WDPCP: variants seen among roughly 807,000 people sequenced by gnomAD.
The protein encoded by WDPCP is WD repeat containing planar cell polarity effector.
In WDPCP, 71 loss-of-function variants were observed where a neutral mutation model predicts 93.1. The observed-to-expected ratio is 0.76, with a 90% CI of 0.63 to 0.93. The LOEUF is 0.93. Ranked by LOEUF, WDPCP falls within the 40% of genes least tolerant of loss-of-function variation. The pLI is 0.00. For synonymous variants in WDPCP, 315 were observed against 315.0 expected (o/e 1.00, Z 0.00); for missense variants, 844 against 887.4 (o/e 0.95, Z 0.62).
intron 2 of WDPCP, among the ~76,000 whole-genome samples, chr2:63,726,224 A>T (rs1287297720): frequency 6.6e-6 from 1 of 152,156 alleles, no homozygotes; most frequent in Non-Finnish European, 1.5e-5. Flanking sequence ...TGATTTTTGT[A>T]TATGGTGAAA....
intron 6 of WDPCP, among the ~76,000 whole-genome samples, chr2:63,473,909 A>C (rs1699826298): frequency 6.6e-6 from 1 of 152,138 alleles, no homozygotes; most frequent in African/African-American, 2.4e-5. Flanking sequence ...ACAGTGACTA[A>C]GGGCATGAAC....
At chr2:63,636,324 T>C (rs1709920791) in intron 3 of WDPCP, among the ~76,000 whole-genome samples, 1 of 152,222 alleles carries the variant, frequency 6.6e-6, no homozygotes, top group Non-Finnish European at 1.5e-5. Flanking sequence ...AATTTTATCA[T>C]CATTTTTCAT....
At position 63,313,886 on chromosome 2, in the gene WDPCP, A is replaced by ATGTGTGTGTGTATATATATATATATATTT; in HGVS notation, c.1749-576_1749-575insAAATATATATATATATATACACACACACA. On this transcript the variant is annotated intron_variant, in intron 12 of 17. Coordinates refer to ENST00000272321, the MANE Select transcript of WDPCP (RefSeq NM_015910.7). ...TATATATATATATATATATATATAT[A>ATGTGTGTGTGTATATATATATATATATTT]TTTTTTTTTTTTTGGAGATGGAGTC... 5.5e-3 allele frequency among the ~76,000 whole-genome samples: 409 copies of ATGTGTGTGTGTATATATATATATATATTT among 74,472 alleles called. 22 individuals carry two copies. The highest frequency in any genetic ancestry group is 8.0e-3 in the Admixed American group (48 of 6,004). The allele number at this position is 74,472 out of a possible 152,430, so 48.9% of individuals were successfully genotyped here.
At chr2:63,737,663 A>C (rs1229481783) in intron 2 of WDPCP, among the ~76,000 whole-genome samples, 1 of 152,180 alleles carries the variant, frequency 6.6e-6, no homozygotes, top group Non-Finnish European at 1.5e-5. Context: ...ATCCCACTAG[A>C]TACCAGGCAT....
chr2:63,784,161 C>T (rs1022147802), intron 2 of WDPCP, among the ~76,000 whole-genome samples: 6 of 151,804 alleles, frequency 4.0e-5, no homozygotes, highest in Admixed American at 2.0e-4. Flanking sequence ...AAATATTTGT[C>T]GTGTGAATGA....
At position 63,240,953 on chromosome 2, in the gene WDPCP, T is replaced by G. The variant is rs113867934; in HGVS notation, c.1915+18354A>C. 2.2e-3 allele frequency among the ~76,000 whole-genome samples: 340 copies of G among 152,258 alleles called. 2 individuals are homozygous for G. Among genetic ancestry groups the G allele is most frequent in the Non-Finnish European group, 3.9e-3 (268 of 68,012 alleles). On this transcript the variant is annotated intron_variant, in intron 14 of 17. Coordinates refer to ENST00000272321, the MANE Select transcript of WDPCP (RefSeq NM_015910.7). ...AATATAGTAATCTAGTATTTCAGAA[T>G]TCAAAAATATGTTAAATAACATTTA...
intron 1 of WDPCP, among the ~76,000 whole-genome samples, chr2:63,545,716 AGT>A (rs1464851969): frequency 6.6e-6 from 1 of 152,060 alleles, no homozygotes; most frequent in African/African-American, 2.4e-5. Flanking sequence ...GAAACATTCA[AGT>A]GTTCATGGAC....
intron 13 of WDPCP, among the ~76,000 whole-genome samples, chr2:63,306,235 G>A (rs935525542): frequency 3.3e-5 from 5 of 152,164 alleles, no homozygotes; most frequent in Non-Finnish European, 7.3e-5. Flanking sequence ...TTCTGAAATT[G>A]AGGCAGTAAT....
At chr2:63,319,573 G>T (rs1028513410) in intron 12 of WDPCP, among the ~76,000 whole-genome samples, 3 of 152,090 alleles carry the variant, frequency 2.0e-5, no homozygotes, top group Non-Finnish European at 2.9e-5. Flanking sequence ...CCACCTCCTG[G>T]GTTCACACCA....
chr2:63,458,224 G>T (rs1698772485), intron 6 of WDPCP, among the ~76,000 whole-genome samples: 1 of 86,902 alleles, frequency 1.2e-5, no homozygotes, highest in Admixed American at 1.5e-4. Context: ...GAGCAGTCAG[G>T]CAAGAAAAAA....
chr2:63,442,732 T>A (rs1404322862), intron 6 of WDPCP: 3 of 152,212 alleles, frequency 2.0e-5, no homozygotes. Context: ...GGAATTTAAT[T>A]TTTCCAAGTG....
chr2:63,492,115 T>C (rs548385253), intron 2 of WDPCP, among the ~76,000 whole-genome samples: 80 of 152,284 alleles, frequency 5.3e-4, no homozygotes, highest in African/African-American at 1.9e-3. Flanking sequence ...AATTCTATAT[T>C]TAATATGAAG....
intron 12 of WDPCP, among the ~76,000 whole-genome samples, chr2:63,341,302 T>A (rs1264557991): frequency 6.6e-6 from 1 of 152,168 alleles, no homozygotes; most frequent in African/African-American, 2.4e-5. Flanking sequence ...CTAATTTTTG[T>A]ATTTTTAGTA....
At chr2:63,657,205 GTTTTT>G (rs61597471) in intron 2 of WDPCP, among the ~76,000 whole-genome samples, 1 of 114,168 alleles carries the variant, frequency 8.8e-6, no homozygotes. Context: ...TCTGGGTGAT[GTTTTT>G]TTTTTTTTTT....
At chr2:63,479,278 C>A (rs1700136901) in intron 6 of WDPCP, among the ~76,000 whole-genome samples, 1 of 152,044 alleles carries the variant, frequency 6.6e-6, no homozygotes, top group Non-Finnish European at 1.5e-5. Flanking sequence ...GAATTGGTAT[C>A]AATCCTATTG....
rs1709706188 is a variant in WDPCP at position 63,619,231 on chromosome 2, A to G, written n.488+31428T>C. On this transcript the variant is annotated intron_variant and non_coding_transcript_variant, in intron 3 of 4. Transcript: ENST00000467687. ...AAGGGCAGAGAGGAGTTTTAAACTG[A>G]TATCAGTATGTTGGGTCATGGGTAA... Among the ~76,000 whole-genome samples the G allele has an allele frequency of 2.6e-5, 4 of 152,202 alleles. No homozygotes were observed. In the South Asian group the frequency reaches 8.3e-4, roughly 31 times the overall value.
intron 2 of WDPCP, among the ~76,000 whole-genome samples, chr2:63,657,112 C>G (rs1710175899): frequency 6.6e-6 from 1 of 150,996 alleles, no homozygotes; most frequent in African/African-American, 2.4e-5. Flanking sequence ...TTGTGTGAGG[C>G]TTTCAAGCCA....
At chr2:63,766,661 C>A (rs942978120) in intron 2 of WDPCP, among the ~76,000 whole-genome samples, 1 of 151,812 alleles carries the variant, frequency 6.6e-6, no homozygotes, top group African/African-American at 2.4e-5. Context: ...AATTTTAACA[C>A]ATTAATACAC....
rs1219813667 is a variant in WDPCP at position 63,795,071 on chromosome 2, C to G, written n.308+18551G>C. 3.3e-5 allele frequency among the ~76,000 whole-genome samples: 5 copies of G among 152,116 alleles called. No individual in the cohort carries two copies. In the East Asian group the frequency reaches 9.6e-4, roughly 29 times the overall value. On this transcript the variant is annotated intron_variant and non_coding_transcript_variant, in intron 2 of 4. Coordinates refer to the WDPCP transcript ENST00000467687. Reference sequence around the variant, plus strand: ...AACTGCTGGAATACTCTACTTCCAGCCTTCTTATTATCTGATTAACAGAAA... The same window carrying G: ...AACTGCTGGAATACTCTACTTCCAGGCTTCTTATTATCTGATTAACAGAAA...
Sources: allele counts gnomAD v4.1 joint callset (sites outside exome capture counted in the v4.1 genomes callset), GRCh38; gene constraint gnomAD v4.1.1; transcripts MANE v1.5; gene names NCBI Gene and HGNC (gene_info 2026-07-23, HGNC 2026-07-21).